HAUS6: variants seen among roughly 807,000 people sequenced by gnomAD.
HAUS6 encodes HAUS augmin-like complex subunit 6.
HAUS6 carries 80 observed loss-of-function variants against 106.8 expected under a neutral mutation model. The ratio of observed to expected loss-of-function variants is 0.75; its 90% CI spans 0.63 to 0.90. The LOEUF is 0.90. HAUS6 is among the 40% of genes least tolerant of loss of function. The pLI, the probability that HAUS6 is intolerant of heterozygous loss-of-function variation, is 0.00. For missense variants in HAUS6, 1,155 were observed against 1,118.1 expected (o/e 1.03, Z -0.47); for synonymous variants, 356 against 379.1 (o/e 0.94, Z 0.71).
At chr9:19,081,518 C>A (rs1837149918) in intron 8 of HAUS6, among the ~76,000 whole-genome samples, 1 of 151,974 alleles carries the variant, frequency 6.6e-6, no homozygotes, top group Non-Finnish European at 1.5e-5. Flanking sequence ...TGGCTCATTG[C>A]AGCCTCCGAC....
intron 5 of HAUS6, among the ~76,000 whole-genome samples, chr9:19,087,985 C>T (rs939565274): frequency 1.3e-5 from 2 of 151,704 alleles, no homozygotes; most frequent in African/African-American, 4.8e-5. Flanking sequence ...AGAAGAAACT[C>T]CAAGAAAAAA....
In HAUS6 at chr9:19,089,417, A is replaced by G. The variant is rs948606997; in HGVS notation, c.579T>C (p.Asn193=). The part of the protein sequence containing the change: ...QDCVTQKYQE[N]AQLSVKQVRN... ...ACTATCAAGGTACTACTTACTGTGC[A>G]TTTTCCTGATATTTTTGGGTAACAC... The change falls in exon 5 of 17, where the codon AAT becomes AAC. Residue 193 remains asparagine (N), a synonymous_variant. Coordinates refer to ENST00000380502, the MANE Select transcript of HAUS6 (RefSeq NM_017645.5). 7 of 1,602,388 alleles carry G rather than the reference A, an allele frequency of 4.4e-6. No homozygotes were observed. In the African/African-American group the frequency reaches 9.4e-5, roughly 21 times the overall value.
intron 10 of HAUS6, 42 bp downstream of exon 10, chr9:19,078,134 G>T: frequency 6.9e-7 from 1 of 1,458,282 alleles, no homozygotes; most frequent in Non-Finnish European, 9.3e-7. Context: ...AAAAAAAAAA[G>T]GTGGGTGGCG....
At chr9:19,079,476 C>T (rs1472958925) in intron 9 of HAUS6, among the ~76,000 whole-genome samples, 2 of 151,804 alleles carry the variant, frequency 1.3e-5, no homozygotes, top group Non-Finnish European at 2.9e-5. Context: ...GGTGATCCAC[C>T]TGCCTCAGTC....
chr9:19,096,692 A>G lies in HAUS6; in HGVS notation c.206T>C (p.Leu69Pro). ...TCCTTACTTGAAAACTTCTTTGGTG[A>G]GAGACTGGTCCAGAACTTGAAACAA... The part of the protein sequence containing the change: ...YFLFQVLDQS[L>P]TKEVFKFCWP... Residue 69 changes from leucine (L) to proline (P), a missense_variant, in exon 2 of 17, where the codon CTC becomes CCC. This residue lies in a region of HAUS6 where 761 missense variants were observed against 690.0 expected (regional missense o/e 1.10). Coordinates refer to ENST00000380502, the MANE Select transcript of HAUS6 (RefSeq NM_017645.5). 6.7e-7 allele frequency: 1 copy of G among 1,484,434 alleles called. No homozygotes were observed. The highest frequency in any genetic ancestry group is 9.2e-7 in the Non-Finnish European group (1 of 1,088,724). 92.0% of individuals were successfully genotyped at this position (1,484,434 alleles called of 1,614,324 possible).
intron 4 of HAUS6, among the ~76,000 whole-genome samples, chr9:19,090,375 C>A (rs1426448884): frequency 2.0e-5 from 3 of 151,780 alleles, no homozygotes; most frequent in Non-Finnish European, 2.9e-5. Flanking sequence ...TTTTCTTTTT[C>A]TTTTTTTGAG....
chr9:19,059,390 G>A (rs181560068), intron 15 of HAUS6, among the ~76,000 whole-genome samples: 156 of 152,306 alleles, frequency 1.0e-3, no homozygotes, highest in African/African-American at 2.9e-3. Context: ...ACTCTGCCAT[G>A]ATAGCATGAA....
intron 13 of HAUS6, 84 bp downstream of exon 13, chr9:19,063,430 T>C: frequency 1.4e-6 from 1 of 725,684 alleles, no homozygotes; most frequent in Non-Finnish European, 2.3e-6. Context: ...AGAAATTAAA[T>C]TTAACTGTGG....
intron 12 of HAUS6, 151 bp downstream of exon 12, chr9:19,070,068 C>T (rs990787989): frequency 3.5e-5 from 21 of 593,146 alleles, no homozygotes; most frequent in Non-Finnish European, 4.8e-5. Flanking sequence ...GTGATTGGTG[C>T]GTTTTTACAA....
At chr9:19,083,387 C>A (rs1182334119) in intron 7 of HAUS6, among the ~76,000 whole-genome samples, 3 of 152,118 alleles carry the variant, frequency 2.0e-5, no homozygotes, top group Non-Finnish European at 4.4e-5. Context: ...GGACTACAGG[C>A]ACGCACCACT....
intron 1 of HAUS6, among the ~76,000 whole-genome samples, chr9:19,101,862 G>A (rs1190442360): frequency 6.6e-6 from 1 of 152,222 alleles, no homozygotes; most frequent in East Asian, 1.9e-4. Flanking sequence ...GGAGGGTGCA[G>A]TGAGCCGAGA....
intron 14 of HAUS6, among the ~76,000 whole-genome samples, chr9:19,062,683 A>C (rs1836653098): frequency 6.6e-6 from 1 of 152,166 alleles, no homozygotes; most frequent in South Asian, 2.1e-4. Flanking sequence ...GTTTTTTGAA[A>C]CAGGGTCTCA....
intron 1 of HAUS6, among the ~76,000 whole-genome samples, chr9:19,100,164 C>A (rs531492925): frequency 6.6e-6 from 1 of 151,916 alleles, no homozygotes; most frequent in African/African-American, 2.4e-5. Flanking sequence ...ACTGCACTCC[C>A]GCCTGGGCGA....
At chr9:19,063,766 A>C in intron 12 of HAUS6, 186 bp from the exon 13 acceptor site, 1 of 748,908 alleles carries the variant, frequency 1.3e-6, no homozygotes, top group Non-Finnish European at 2.5e-6. Flanking sequence ...ATTTCAGCCC[A>C]ATTTGTGTAT....
intron 5 of HAUS6, 53 bp downstream of exon 5, chr9:19,089,359 G>A (rs1817696459): frequency 2.7e-6 from 3 of 1,127,764 alleles, no homozygotes; most frequent in Middle Eastern, 2.2e-4. Context: ...TTATATTGGT[G>A]ACATCTGTTC....
Position 19,054,319 on chromosome 9 carries a change from G to C in HAUS6, c.*2024C>G, listed in dbSNP as rs908106615. 1.3e-5 allele frequency: 2 copies of C among 152,134 alleles called. No individual in the cohort carries two copies. The highest frequency in any genetic ancestry group is 4.8e-5 in the African/African-American group (2 of 41,418). 9.4% of individuals were successfully genotyped at this position (152,134 alleles called of 1,614,324 possible). ...TAGAATTAACAATGAACAATCAATG[G>C]AATTTTAGGCAAGGAAGTGACCCAA... On this transcript the variant is annotated 3_prime_UTR_variant, in exon 17 of 17. Coordinates refer to ENST00000380502, the MANE Select transcript of HAUS6 (RefSeq NM_017645.5).
chr9:19,082,312 A>G (rs1462040747), intron 8 of HAUS6, among the ~76,000 whole-genome samples: 2 of 152,228 alleles, frequency 1.3e-5, no homozygotes, highest in African/African-American at 4.8e-5. Context: ...GTACAGTATC[A>G]TCTTCCTACT....
At chr9:19,080,343 G>C in intron 9 of HAUS6, 136 bp downstream of exon 9, 2 of 620,410 alleles carry the variant, frequency 3.2e-6, no homozygotes, top group East Asian at 5.5e-5. Context: ...TCCAAGAGTT[G>C]ATTATGTAAG....
chr9:19,072,927 C>G (rs1312688162), intron 11 of HAUS6, among the ~76,000 whole-genome samples: 1 of 151,864 alleles, frequency 6.6e-6, no homozygotes, highest in Non-Finnish European at 1.5e-5. Flanking sequence ...TGAACTAACC[C>G]TCCCTGGATC....
Sources: allele counts gnomAD v4.1 joint callset (sites outside exome capture counted in the v4.1 genomes callset), GRCh38; gene constraint gnomAD v4.1.1; regional missense constraint gnomAD v4.1.1; transcripts MANE v1.5; gene names NCBI Gene and HGNC (gene_info 2026-07-23, HGNC 2026-07-21).